The following STPG2 variants were observed in gnomAD, a reference collection of about 807,000 sequenced individuals.
STPG2 encodes sperm tail PG-rich repeat containing 2.
In STPG2, 56 loss-of-function variants were observed where a neutral mutation model predicts 54.2. The observed-to-expected ratio is 1.03, with a 90% CI of 0.83 to 1.29. STPG2 has a LOEUF of 1.29. Among genes scored for constraint, STPG2 ranks in the 50% most tolerant of loss-of-function variants. The pLI, the probability that STPG2 is intolerant of heterozygous loss-of-function variation, is 0.00. For synonymous variants in STPG2, 200 were observed against 181.8 expected (o/e 1.10, Z -0.81); for missense variants, 596 against 544.9 (o/e 1.09, Z -0.93).
intron 8 of STPG2, among the ~76,000 whole-genome samples, chr4:97,938,351 C>T (rs1732834782): frequency 6.6e-6 from 1 of 152,130 alleles, no homozygotes; most frequent in African/African-American, 2.4e-5. Context: ...TCATCCCTCC[C>T]CTGGGAAGCT....
Position 97,857,282 on chromosome 4 carries a change from T to G in STPG2, c.1045-16350A>C, listed in dbSNP as rs917977798. Among the ~76,000 whole-genome samples the G allele has an allele frequency of 1.4e-4, 21 of 152,306 alleles. 1 individual carries two copies. Among genetic ancestry groups the G allele is most frequent in the Admixed American group, 5.2e-4 (8 of 15,284 alleles). On this transcript the variant is annotated intron_variant, in intron 8 of 10. Transcript: ENST00000295268. ...GGAAGAATTCAGCTGTGAATCCATC[T>G]GGTGTTGGGCTTTTTCTTGGTTGGT...
intron 4 of STPG2, among the ~76,000 whole-genome samples, chr4:97,468,223 C>G (rs1729835779): frequency 6.6e-6 from 1 of 151,928 alleles, no homozygotes; most frequent in South Asian, 2.1e-4. Context: ...AAATTTGTGA[C>G]AGTGACAAAC....
intron 5 of STPG2, chr4:98,026,016 T>A: frequency 9.6e-7 from 1 of 1,041,062 alleles, no homozygotes; most frequent in Non-Finnish European, 1.5e-6. Context: ...GCAGATTACA[T>A]GTAAGATGAA....
At chr4:97,488,977 A>G (rs1300227696) in intron 4 of STPG2, among the ~76,000 whole-genome samples, 1 of 151,712 alleles carries the variant, frequency 6.6e-6, no homozygotes, top group African/African-American at 2.4e-5. Flanking sequence ...CTTGAATTGT[A>G]ACTCCCACAA....
rs539597322 is a variant in STPG2, at chr4:97,743,417, T to A, written c.1205-30603A>T. 2.6e-5 allele frequency among the ~76,000 whole-genome samples: 4 copies of A among 151,884 alleles called. No individual in the cohort carries two copies. In the South Asian group the frequency reaches 6.2e-4, roughly 24 times the overall value. On this transcript the variant is annotated intron_variant, in intron 9 of 10. Transcript: ENST00000295268. ...TTTCACTTACATAGACTTATTGTTATTTACACAACCAAAGACATCTGAATT... is the reference window on the plus strand; with the variant it reads ...TTTCACTTACATAGACTTATTGTTAATTACACAACCAAAGACATCTGAATT...
At chr4:97,744,421 A>C (rs1298088025) in intron 9 of STPG2, among the ~76,000 whole-genome samples, 1 of 151,260 alleles carries the variant, frequency 6.6e-6, no homozygotes, top group Non-Finnish European at 1.5e-5. Flanking sequence ...ATGTGTATTC[A>C]ATTCCAATAA....
At chr4:97,674,491 T>C (rs1397587323) in intron 10 of STPG2, among the ~76,000 whole-genome samples, 2 of 150,948 alleles carry the variant, frequency 1.3e-5, no homozygotes, top group African/African-American at 4.8e-5. Flanking sequence ...GTTTATTCCA[T>C]GTATAATTTT....
chr4:97,454,780 G>A (rs1729473645), intron 4 of STPG2, among the ~76,000 whole-genome samples: 1 of 151,924 alleles, frequency 6.6e-6, no homozygotes, highest in Non-Finnish European at 1.5e-5. Context: ...AAGTATCTGA[G>A]ATGATATTTA....
intron 5 of STPG2, among the ~76,000 whole-genome samples, chr4:98,022,116 T>C (rs374942392): frequency 0.38 from 56,769 of 149,096 alleles, 10,355 homozygotes; most frequent in Middle Eastern, 0.44. Flanking sequence ...CTAGCCTTGA[T>C]GGTCTTTACA....
rs997102158 is a variant in STPG2, at chr4:97,903,030, A to G, written c.1044+40867T>C. ...TAGTCTTAAAAAGTCAAACTCATAG[A>G]AACAGAGTAGAAGGATGGTTACTAG... On this transcript the variant is annotated intron_variant, in intron 8 of 10. Transcript: ENST00000295268. 1.6e-4 allele frequency among the ~76,000 whole-genome samples: 24 copies of G among 152,322 alleles called. 1 individual carries two copies. Among genetic ancestry groups the G allele is most frequent in the African/African-American group, 5.3e-4 (22 of 41,576 alleles).
intron 10 of STPG2, among the ~76,000 whole-genome samples, chr4:97,604,684 C>T (rs942832312): frequency 2.0e-5 from 3 of 151,578 alleles, no homozygotes; most frequent in Non-Finnish European, 3.0e-5. Context: ...AGAAATAAGG[C>T]TTTAGAATGT....
intron 4 of STPG2, among the ~76,000 whole-genome samples, chr4:97,518,591 T>C (rs889098219): frequency 1.3e-5 from 2 of 152,086 alleles, no homozygotes; most frequent in Non-Finnish European, 2.9e-5. Context: ...AGACATAAAT[T>C]TTTTATGAAA....
intron 9 of STPG2, among the ~76,000 whole-genome samples, chr4:97,769,979 G>A (rs1329827676): frequency 6.6e-6 from 1 of 152,132 alleles, no homozygotes; most frequent in Non-Finnish European, 1.5e-5. Flanking sequence ...GGGAGGCTGA[G>A]GCAGGCAGAT....
chr4:98,035,864 C>T (rs1002397498), intron 5 of STPG2, among the ~76,000 whole-genome samples: 3 of 151,976 alleles, frequency 2.0e-5, no homozygotes, highest in East Asian at 1.9e-4. Context: ...TCAAACACTG[C>T]ATGTTCTCAC....
At chr4:97,972,723 G>A (rs894143603) in intron 6 of STPG2, among the ~76,000 whole-genome samples, 23 of 152,150 alleles carry the variant, frequency 1.5e-4, no homozygotes, top group Non-Finnish European at 1.5e-5. Context: ...AACCCAGTGG[G>A]AGGTAATTGA....
At chr4:98,056,593 T>G (rs1737492532) in intron 5 of STPG2, among the ~76,000 whole-genome samples, 1 of 151,972 alleles carries the variant, frequency 6.6e-6, no homozygotes, top group Non-Finnish European at 1.5e-5. Context: ...CATATCTACC[T>G]TATACCATCA....
intron 10 of STPG2, among the ~76,000 whole-genome samples, chr4:97,640,477 C>T (rs1435749344): frequency 6.6e-6 from 1 of 151,528 alleles, no homozygotes; most frequent in Non-Finnish European, 1.5e-5. Context: ...TAAAATGAGT[C>T]AATAATTTTT....
chr4:98,130,846 C>T (rs750180816), intron 2 of STPG2, among the ~76,000 whole-genome samples: 56 of 136,682 alleles, frequency 4.1e-4, no homozygotes, highest in Non-Finnish European at 5.7e-4. Context: ...GGCGTGAACC[C>T]GGGAGGTGGA....
rs1738056379 is a variant in STPG2, at chr4:98,073,044, G to T, written c.612+32909C>A. 1.3e-5 allele frequency among the ~76,000 whole-genome samples: 2 copies of T among 152,138 alleles called. 1 individual carries two copies. Among genetic ancestry groups the T allele is most frequent in the Admixed American group, 1.3e-4 (2 of 15,280 alleles). On this transcript the variant is annotated intron_variant, in intron 5 of 10. Coordinates refer to ENST00000295268, the MANE Select transcript of STPG2 (RefSeq NM_174952.3). Reference sequence around the variant, plus strand: ...GTGGTTAAAATGCCTGAAAAACGTGGTGGTTATCACAGGTATTATTATTTA... The same window carrying T: ...GTGGTTAAAATGCCTGAAAAACGTGTTGGTTATCACAGGTATTATTATTTA...
Sources: allele counts gnomAD v4.1 joint callset (sites outside exome capture counted in the v4.1 genomes callset), GRCh38; gene constraint gnomAD v4.1.1; transcripts MANE v1.5; gene names NCBI Gene and HGNC (gene_info 2026-07-23, HGNC 2026-07-21).